Variants in EIF3E observed in about 807,000 individuals in gnomAD.
EIF3E encodes eIF-3 p48.
In EIF3E, 25 loss-of-function variants were observed where a neutral mutation model predicts 59.3. The ratio of observed to expected loss-of-function variants is 0.42; its 90% CI spans 0.31 to 0.59. The LOEUF (loss-of-function observed/expected upper bound fraction) is 0.59, where lower values mean the gene tolerates loss of function less well. EIF3E is among the 20% of genes least tolerant of loss of function. The probability of loss-of-function intolerance (pLI) is 0.15; values close to 1 mark genes in which losing one functional copy is unlikely to be tolerated. For missense variants in EIF3E, 317 were observed against 534.3 expected (o/e 0.59, Z 4.01); for synonymous variants, 176 against 170.2 (o/e 1.03, Z -0.26).
chr8:108,217,301 A>T (rs201365152), intron 8 of EIF3E, 33 bp downstream of exon 8: 30 of 242,446 alleles, frequency 1.2e-4, no homozygotes, highest in East Asian at 5.4e-4. Context: ...TTAGGTATTT[A>T]AAAAAAAAAA....
At chr8:108,220,273 T>C (rs553597672) in intron 7 of EIF3E, among the ~76,000 whole-genome samples, 1 of 152,276 alleles carries the variant, frequency 6.6e-6, no homozygotes, top group Non-Finnish European at 1.5e-5. Context: ...TCTATTATTT[T>C]GGTATTATCT....
intron 1 of EIF3E, among the ~76,000 whole-genome samples, chr8:108,243,628 C>CAAA (rs1233122068): frequency 5.5e-5 from 1 of 18,208 alleles, no homozygotes; most frequent in Non-Finnish European, 1.1e-4. Context: ...GACTCTGTCT[C>CAAA]AAAAAAAAAG....
intron 10 of EIF3E, among the ~76,000 whole-genome samples, chr8:108,213,901 G>T (rs1405096246): frequency 6.6e-6 from 1 of 152,056 alleles, no homozygotes; most frequent in African/African-American, 2.4e-5. Flanking sequence ...AAAACAAATG[G>T]CATTAAAGAA....
At chr8:108,240,179 A>G in intron 2 of EIF3E, 104 bp from the exon 3 acceptor site, 2 of 892,786 alleles carry the variant, frequency 2.2e-6, no homozygotes, top group South Asian at 1.3e-5. Context: ...AACTATACAT[A>G]TATTTATTTA....
intron 2 of EIF3E, 155 bp from the exon 3 acceptor site, chr8:108,240,230 A>T (rs1441155879): frequency 1.6e-5 from 11 of 671,880 alleles, no homozygotes; most frequent in Non-Finnish European, 2.9e-5. Context: ...TCAGTCAGAA[A>T]TGTCCCCGAT....
chr8:108,242,337 C>T (rs1474565754), intron 1 of EIF3E: 2 of 1,289,574 alleles, frequency 1.6e-6, no homozygotes, highest in South Asian at 2.5e-5. Context: ...ATCCACATTG[C>T]TGAAACAACC....
chr8:108,201,664 A>C lies in EIF3E; in HGVS notation c.*221T>G, dbSNP rs603571. ...GGACTTCTCTGTACTATTTTTGCAA[A>C]TTCCTCTGAATATAATTATTCCAAA... On this transcript the variant is annotated 3_prime_UTR_variant, in exon 13 of 13. Transcript: ENST00000220849. 0.49 allele frequency: 192,431 copies of C among 394,048 alleles called. 48,003 individuals are homozygous for C. The highest frequency in any genetic ancestry group is 0.66 in the African/African-American group (31,112 of 47,348). 24.4% of individuals were successfully genotyped at this position (394,048 alleles called of 1,614,324 possible). A position where few individuals can be genotyped will look rare whatever the true frequency, so the allele number is the denominator to read the frequency against.
chr8:108,223,332 G>T (rs1289438256), intron 7 of EIF3E, among the ~76,000 whole-genome samples: 1 of 152,118 alleles, frequency 6.6e-6, no homozygotes, highest in Non-Finnish European at 1.5e-5. Flanking sequence ...ACACAGGTAG[G>T]ACACTAAGTA....
intron 10 of EIF3E, among the ~76,000 whole-genome samples, chr8:108,204,738 TATATATATAGAG>T (rs1186200642): frequency 4.9e-5 from 5 of 101,382 alleles, no homozygotes; most frequent in African/African-American, 2.2e-4. Flanking sequence ...TATGTATATA[TATATATATAGAG>T]AGAGAGAGAG....
Position 108,235,102 on chromosome 8 carries a change from A to C in EIF3E, c.367T>G (p.Phe123Val). Residue 123 changes from phenylalanine (F) to valine (V), a missense_variant and splice_region_variant, in exon 5 of 13, where the codon TTT becomes GTT. Physicochemically the swap from Phe to Val is conservative, Grantham distance 50. This residue lies in a region of EIF3E where 242 missense variants were observed against 398.0 expected (regional missense o/e 0.61). Transcript: ENST00000220849. The part of the protein sequence containing the change: ...LFDYLADKHG[F>V]RQEYLDTLYR... ...AGTGTATCTAAATATTCCTGCCTAAACTAAAAAGAAAAAAAAAAGATTAAG... is the reference window on the plus strand; with the variant it reads ...AGTGTATCTAAATATTCCTGCCTAACCTAAAAAGAAAAAAAAAAGATTAAG... 6.6e-7 allele frequency: 1 copy of C among 1,526,050 alleles called. No homozygotes were observed. The highest frequency in any genetic ancestry group is 8.8e-7 in the Non-Finnish European group (1 of 1,134,668). 94.5% of individuals were successfully genotyped at this position (1,526,050 alleles called of 1,614,324 possible). A position where few individuals can be genotyped will look rare whatever the true frequency, so the allele number is the denominator to read the frequency against.
rs373944451 is a variant in EIF3E at position 108,228,410 on chromosome 8, T to A, written c.598-19A>T. 6.5e-5 allele frequency: 95 copies of A among 1,462,816 alleles called. No individual in the cohort carries two copies. The highest frequency in any genetic ancestry group is 3.1e-4 in the South Asian group (20 of 63,960). The allele number at this position is 1,462,816 out of a possible 1,614,324, so 90.6% of individuals were successfully genotyped here. ...TCACAGACTAAAGGATTTAAAAATA[T>A]ATACATAAAAAATATTAATATATAA... On this transcript the variant is annotated intron_variant, in intron 6 of 12. Transcript: ENST00000220849.
At chr8:108,232,967 T>C (rs572191484) in intron 5 of EIF3E, among the ~76,000 whole-genome samples, 3 of 152,344 alleles carry the variant, frequency 2.0e-5, no homozygotes, top group African/African-American at 7.2e-5. Flanking sequence ...ACCAACTCTT[T>C]TCATGTACCT....
intron 1 of EIF3E, chr8:108,242,290 T>C: frequency 1.5e-6 from 2 of 1,290,668 alleles, no homozygotes; most frequent in Non-Finnish European, 2.0e-6. Flanking sequence ...CTTCTCCACA[T>C]CCAGGTAATC....
rs2129868498 is a variant in EIF3E, at chr8:108,217,465, G to GA, written c.723-6dup. 3.8e-6 allele frequency: 6 copies of GA among 1,584,958 alleles called. No homozygotes were observed. The highest frequency in any genetic ancestry group is 5.1e-6 in the Non-Finnish European group (6 of 1,168,790). On this transcript the variant is annotated splice_region_variant and splice_polypyrimidine_tract_variant and intron_variant, in intron 7 of 12. Coordinates refer to ENST00000220849, the MANE Select transcript of EIF3E (RefSeq NM_001568.3). ...GTCTGAATTGCATTAAGATATCTAA[G>GA]AAAAAATATAAAAGTTATTTAATAA...
intron 8 of EIF3E, among the ~76,000 whole-genome samples, chr8:108,216,999 A>C (rs34870481): frequency 0.17 from 26,558 of 152,068 alleles, 2,750 homozygotes; most frequent in East Asian, 0.4. Context: ...TATAAAGTTC[A>C]CCCATGTAGA....
At chr8:108,247,546 G>C (rs1274959579) in intron 1 of EIF3E, among the ~76,000 whole-genome samples, 2 of 152,198 alleles carry the variant, frequency 1.3e-5, no homozygotes, top group African/African-American at 2.4e-5. Flanking sequence ...TCTATGTTTA[G>C]AAAAGGTGCA....
At chr8:108,216,029 T>C (rs1227741646) in intron 9 of EIF3E, among the ~76,000 whole-genome samples, 2 of 152,200 alleles carry the variant, frequency 1.3e-5, no homozygotes, top group Admixed American at 6.5e-5. Flanking sequence ...CAGTTGTTAT[T>C]TGCAATTCAA....
At chr8:108,237,527 C>T (rs1298397691) in intron 3 of EIF3E, among the ~76,000 whole-genome samples, 3 of 152,192 alleles carry the variant, frequency 2.0e-5, no homozygotes, top group African/African-American at 4.8e-5. Context: ...GCTGGGATTA[C>T]AGGCATGAGC....
rs1312016713 is a variant in EIF3E, at chr8:108,201,415, T to A, written c.*470A>T. The A allele has an allele frequency of 2.0e-5, 3 of 151,988 alleles. No homozygotes were observed. Among genetic ancestry groups the A allele is most frequent in the Admixed American group, 6.6e-5 (1 of 15,226 alleles). 9.4% of individuals were successfully genotyped at this position (151,988 alleles called of 1,614,324 possible). ...GGAACAGATTAGTGGTTCCTAGGGT[T>A]AGAGTTGGTTGGGAGTAGGTATGGC... On this transcript the variant is annotated 3_prime_UTR_variant, in exon 13 of 13. Transcript: ENST00000220849.
Sources: gnomAD v4.1 joint callset for allele counts (sites outside exome capture counted in the v4.1 genomes callset) on GRCh38, gnomAD v4.1.1 for gene constraint, gnomAD v4.1.1 regional missense constraint, MANE v1.5 for transcripts, NCBI Gene and HGNC (gene_info 2026-07-23, HGNC 2026-07-21) for gene names.